Variants in KMO observed in about 807,000 individuals in gnomAD.
KMO encodes the protein kynurenine 3-monooxygenase.
KMO carries 24 observed loss-of-function variants against 57.8 expected under a neutral mutation model. That is an observed-to-expected ratio of 0.42 (90% CI 0.30 to 0.58). The LOEUF (loss-of-function observed/expected upper bound fraction) is 0.58. KMO is among the 20% of genes least tolerant of loss of function. The probability of loss-of-function intolerance (pLI) is 0.22; values close to 1 mark genes in which losing one functional copy is unlikely to be tolerated. For synonymous variants in KMO, 210 were observed against 193.6 expected, an observed-to-expected ratio of 1.08 and a Z score of -0.70; for missense variants, 483 against 588.2, an observed-to-expected ratio of 0.82 and a Z score of 1.85.
intron 10 of KMO, among the ~76,000 whole-genome samples, chr1:241,569,621 G>T (rs1662204385): frequency 6.6e-6 from 1 of 152,072 alleles, no homozygotes; most frequent in Admixed American, 6.5e-5. Flanking sequence ...ATAAACATGG[G>T]AGTGCAGATA....
intron 5 of KMO, among the ~76,000 whole-genome samples, chr1:241,558,096 T>C (rs565470629): frequency 1.1e-4 from 16 of 152,360 alleles, no homozygotes; most frequent in African/African-American, 3.8e-4. Context: ...TAGTAAGTGG[T>C]AGAATCTGGA....
intron 4 of KMO, among the ~76,000 whole-genome samples, chr1:241,553,244 C>T (rs932982346): frequency 2.6e-5 from 4 of 152,050 alleles, no homozygotes; most frequent in East Asian, 1.9e-4. Flanking sequence ...TTGATGGGAA[C>T]GACTCAAATA....
intron 3 of KMO, 197 bp downstream of exon 3, chr1:241,549,971 C>T (rs1241504284): frequency 1.4e-5 from 7 of 516,464 alleles, no homozygotes; most frequent in African/African-American, 4.0e-5. Flanking sequence ...GAGGAGGACC[C>T]TGCAACCGGA....
At chr1:241,541,976 CAA>C (rs1660974898) in intron 1 of KMO, among the ~76,000 whole-genome samples, 1 of 151,406 alleles carries the variant, frequency 6.6e-6, no homozygotes, top group African/African-American at 2.4e-5. Flanking sequence ...AAGTAGTTGA[CAA>C]ATGTTTAATA....
chr1:241,549,202 GAAGAAAGAAAGAAAGAAAGAAAGA>G (rs71570903), intron 2 of KMO, among the ~76,000 whole-genome samples: 482 of 19,952 alleles, frequency 0.024, 10 homozygotes, highest in African/African-American at 0.073. Flanking sequence ...GAAAGAAAAG[GAAGAAAGAAAGAAAGAAAGAAAGA>G]AAGAAAGAAA....
At chr1:241,549,275 A>ATC (rs1661300735) in intron 2 of KMO, among the ~76,000 whole-genome samples, 1 of 129,522 alleles carries the variant, frequency 7.7e-6, no homozygotes, top group Non-Finnish European at 1.7e-5. Flanking sequence ...GAAAGGAAGG[A>ATC]AGAAAGAAAG....
intron 10 of KMO, among the ~76,000 whole-genome samples, chr1:241,581,360 C>T (rs1283068563): frequency 6.6e-6 from 1 of 152,054 alleles, no homozygotes; most frequent in Non-Finnish European, 1.5e-5. Flanking sequence ...CTTACTGCTG[C>T]CATACAGTTA....
At chr1:241,586,448 C>CTGG in intron 10 of KMO, 3 of 441,648 alleles carry the variant, frequency 6.8e-6, no homozygotes, top group Non-Finnish European at 1.2e-5. Flanking sequence ...GATCCGCTCA[C>CTGG]CTCGGCCTCC....
At chr1:241,552,214 A>C (rs955395522) in intron 4 of KMO, among the ~76,000 whole-genome samples, 2 of 151,610 alleles carry the variant, frequency 1.3e-5, no homozygotes, top group Admixed American at 1.3e-4. Context: ...GCGTGCATAC[A>C]TTCCCCAAGA....
intron 2 of KMO, among the ~76,000 whole-genome samples, chr1:241,549,276 A>AGTAAGTCG (rs1299128822): frequency 8.2e-6 from 1 of 122,356 alleles, no homozygotes; most frequent in Non-Finnish European, 1.8e-5. Context: ...AAAGGAAGGA[A>AGTAAGTCG]GAAAGAAAGA....
At chr1:241,562,747 A>G (rs982207442) in intron 7 of KMO, among the ~76,000 whole-genome samples, 1 of 151,978 alleles carries the variant, frequency 6.6e-6, no homozygotes, top group African/African-American at 2.4e-5. Flanking sequence ...GCTGAGGTGG[A>G]AGGATTGCTT....
rs1663410397 is a variant in KMO at position 241,593,862 on chromosome 1, AC to A, written c.*1710del. ...TCCTCTGGTGCTGGTCTCCAGGCTGACAAGGATTCAAAGTTGTCTCTGAAAC... is the reference window on the plus strand; with the variant it reads ...TCCTCTGGTGCTGGTCTCCAGGCTGAAAGGATTCAAAGTTGTCTCTGAAAC... On this transcript the variant is annotated 3_prime_UTR_variant, in exon 15 of 15. Transcript: ENST00000366559. The A allele has an allele frequency of 6.5e-6, 1 of 153,726 alleles. No homozygotes were observed. The highest frequency in any genetic ancestry group is 1.4e-5 in the Non-Finnish European group (1 of 69,066). The allele number at this position is 153,726 out of a possible 1,614,324, so 9.5% of individuals were successfully genotyped here. A position where few individuals can be genotyped will look rare whatever the true frequency, so the allele number is the denominator to read the frequency against.
intron 10 of KMO, among the ~76,000 whole-genome samples, chr1:241,585,790 G>A (rs186496901): frequency 0.015 from 2,171 of 149,214 alleles, 15 homozygotes; most frequent in Non-Finnish European, 0.022. Context: ...AAACCAAAAA[G>A]AAAAAAAATC....
chr1:241,533,310 C>T (rs1660639286), intron 1 of KMO, among the ~76,000 whole-genome samples: 1 of 152,192 alleles, frequency 6.6e-6, no homozygotes, highest in African/African-American at 2.4e-5. Flanking sequence ...CATTTGGAGA[C>T]TTTTCATTAA....
chr1:241,578,023 G>A (rs1662595751), intron 10 of KMO, among the ~76,000 whole-genome samples: 1 of 152,140 alleles, frequency 6.6e-6, no homozygotes, highest in South Asian at 2.1e-4. Context: ...CAGGAATGTT[G>A]ATGTTCCAAG....
chr1:241,582,801 C>A (rs1296929246), intron 10 of KMO, among the ~76,000 whole-genome samples: 2 of 152,016 alleles, frequency 1.3e-5, no homozygotes, highest in Non-Finnish European at 2.9e-5. Flanking sequence ...AGGTCATGTT[C>A]CTTGGGTGTT....
chr1:241,541,087 G>A (rs1030061378), intron 1 of KMO, among the ~76,000 whole-genome samples: 2 of 152,098 alleles, frequency 1.3e-5, no homozygotes, highest in East Asian at 3.9e-4. Context: ...AAGATGACTA[G>A]TTCTAGTGCA....
chr1:241,545,647 T>C (rs187207218), intron 1 of KMO, among the ~76,000 whole-genome samples: 72 of 152,318 alleles, frequency 4.7e-4, no homozygotes, highest in African/African-American at 1.7e-3. Context: ...CCAAATAATG[T>C]CACATTCTTA....
In KMO at chr1:241,566,600, C is replaced by G; in HGVS notation, c.797C>G (p.Pro266Arg). Residue 266 changes from proline (P) to arginine (R), a missense_variant, in exon 9 of 15, where the codon CCT (proline) becomes CGT (arginine). This residue lies in a region of KMO where 410 missense variants were observed against 492.3 expected (regional missense o/e 0.83). Coordinates refer to ENST00000366559, the MANE Select transcript of KMO (RefSeq NM_003679.5). Reference sequence around the variant, plus strand: ...CAGAAATACTTTCCGGATGCCATCCCTCTAATTGGAGAGTAAGTTGCAAGA... The same window carrying G: ...CAGAAATACTTTCCGGATGCCATCCGTCTAATTGGAGAGTAAGTTGCAAGA... Reference protein sequence around the residue: ...FFQKYFPDAIPLIGEKLLVQD... With the variant: ...FFQKYFPDAIRLIGEKLLVQD... 6.2e-7 allele frequency: 1 copy of G among 1,613,722 alleles called. No homozygotes were observed. The highest frequency in any genetic ancestry group is 2.2e-5 in the East Asian group (1 of 44,870).
Sources: allele counts gnomAD v4.1 joint callset (sites outside exome capture counted in the v4.1 genomes callset), GRCh38; gene constraint gnomAD v4.1.1; regional missense constraint gnomAD v4.1.1; transcripts MANE v1.5; gene names NCBI Gene and HGNC (gene_info 2026-07-23, HGNC 2026-07-21).